Variants in DYRK1A observed in about 807,000 individuals in gnomAD.
DYRK1A encodes the protein dual specificity tyrosine-phosphorylation-regulated kinase 1A.
Under a neutral mutation model 79.7 loss-of-function variants are expected in DYRK1A, and 9 were observed. The ratio of observed to expected loss-of-function variants is 0.11; its 90% CI spans 0.07 to 0.20. DYRK1A has a LOEUF of 0.20. DYRK1A is among the 10% of genes least tolerant of loss of function. The pLI is 1.00. For synonymous variants in DYRK1A, 349 were observed against 329.7 expected, an observed-to-expected ratio of 1.06 and a Z score of -0.63; for missense variants, 622 against 956.0, an observed-to-expected ratio of 0.65 and a Z score of 4.61.
intron 5 of DYRK1A, among the ~76,000 whole-genome samples, chr21:37,481,877 G>C (rs1019888316): frequency 6.6e-6 from 1 of 152,040 alleles, no homozygotes; most frequent in African/African-American, 2.4e-5. Context: ...GGGGATCTCT[G>C]GTTGTGGTCC....
intron 2 of DYRK1A, among the ~76,000 whole-genome samples, chr21:37,451,412 C>T (rs1387842807): frequency 2.1e-5 from 3 of 142,990 alleles, no homozygotes; most frequent in East Asian, 2.3e-4. Context: ...GTCCTGCAAG[C>T]TCCATTCCTG....
intron 2 of DYRK1A, among the ~76,000 whole-genome samples, chr21:37,472,060 T>C (rs1404749381): frequency 6.6e-6 from 1 of 152,196 alleles, no homozygotes; most frequent in Non-Finnish European, 1.5e-5. Flanking sequence ...TTTTTCTTTG[T>C]GGTGAGCTTG....
At chr21:37,481,983 G>C (rs1322447272) in intron 5 of DYRK1A, among the ~76,000 whole-genome samples, 1 of 152,166 alleles carries the variant, frequency 6.6e-6, no homozygotes, top group Non-Finnish European at 1.5e-5. Flanking sequence ...AGTCTCCTCT[G>C]CCTTGCAGCC....
intron 7 of DYRK1A, among the ~76,000 whole-genome samples, chr21:37,491,788 A>G (rs1457796767): frequency 6.6e-6 from 1 of 152,218 alleles, no homozygotes; most frequent in South Asian, 2.1e-4. Context: ...ATTTCCCCCT[A>G]TTTAAGCCAA....
chr21:37,447,170 T>A (rs983455498), intron 2 of DYRK1A, among the ~76,000 whole-genome samples: 2 of 152,144 alleles, frequency 1.3e-5, no homozygotes, highest in African/African-American at 4.8e-5. Context: ...GTGAGTTGAG[T>A]GAGACAGTGT....
At chr21:37,453,508 G>C (rs1354741449) in intron 2 of DYRK1A, among the ~76,000 whole-genome samples, 1 of 152,210 alleles carries the variant, frequency 6.6e-6, no homozygotes, top group Non-Finnish European at 1.5e-5. Flanking sequence ...AGAGCTGGGA[G>C]AGAGAGAGGC....
At chr21:37,477,723 A>G (rs2052451309) in intron 3 of DYRK1A, among the ~76,000 whole-genome samples, 2 of 152,188 alleles carry the variant, frequency 1.3e-5, no homozygotes, top group Admixed American at 6.5e-5. Context: ...CTCTGCTGCC[A>G]GCCCCCTTTT....
chr21:37,510,591 T>C (rs528158149), intron 11 of DYRK1A, among the ~76,000 whole-genome samples: 216 of 152,316 alleles, frequency 1.4e-3, no homozygotes, highest in Non-Finnish European at 7.4e-5. Context: ...AACTCTGATA[T>C]AACAGACCCC....
At position 37,513,308 on chromosome 21, in the gene DYRK1A, T is replaced by C. The variant is rs1278609609; in HGVS notation, c.*777T>C. The C allele has an allele frequency of 6.6e-6, 1 of 152,632 alleles. No individual in the cohort carries two copies. Among genetic ancestry groups the C allele is most frequent in the Non-Finnish European group, 1.5e-5 (1 of 68,118 alleles). 9.5% of individuals were successfully genotyped at this position (152,632 alleles called of 1,614,324 possible). On this transcript the variant is annotated 3_prime_UTR_variant, in exon 12 of 12. Transcript: ENST00000647188. The stretch of plus-strand genomic sequence containing the variant: ...GGTGCACTGAGAAGCAATCAACGGG[T>C]CGGTCGTGGCCAGTCCTGGGGAGGT...
At chr21:37,395,974 C>G (rs2251085) in intron 1 of DYRK1A, among the ~76,000 whole-genome samples, 83,116 of 151,994 alleles carry the variant, frequency 0.55, 23,258 homozygotes, top group African/African-American at 0.67. Flanking sequence ...ATATGCCACA[C>G]AAAACATAGG....
chr21:37,456,031 G>A (rs1364412306), intron 2 of DYRK1A: 1 of 152,184 alleles, frequency 6.6e-6, no homozygotes, highest in Non-Finnish European at 1.5e-5. Context: ...CACCCTCTTA[G>A]GCTGTTTTAG....
intron 6 of DYRK1A, chr21:37,488,161 A>G (rs2052940609): frequency 1.7e-5 from 3 of 174,768 alleles, no homozygotes; most frequent in African/African-American, 7.2e-5. Context: ...TGTTTTGAAT[A>G]AAGTTGACAT....
At chr21:37,489,060 G>T (rs1299866245) in intron 6 of DYRK1A, among the ~76,000 whole-genome samples, 1 of 152,070 alleles carries the variant, frequency 6.6e-6, no homozygotes, top group East Asian at 1.9e-4. Context: ...TACCATGAAA[G>T]ATCTAAAAGC....
intron 2 of DYRK1A, among the ~76,000 whole-genome samples, chr21:37,445,920 T>C (rs2051255408): frequency 6.6e-6 from 1 of 151,840 alleles, no homozygotes; most frequent in Non-Finnish European, 1.5e-5. Flanking sequence ...GAGGTGGGAG[T>C]ATTGCTTGAG....
rs1236644093 is a variant in DYRK1A at position 37,367,095 on chromosome 21, G to C, written c.-610G>C. On this transcript the variant is annotated 5_prime_UTR_variant, in exon 1 of 12. Coordinates refer to ENST00000647188, the MANE Select transcript of DYRK1A (RefSeq NM_001347721.2). ...TGAGTGCGAGTGTGTGTGCGAGGGAGCGTGTGCGAGGGCGATTGTGCGCGC... is the reference window on the plus strand; with the variant it reads ...TGAGTGCGAGTGTGTGTGCGAGGGACCGTGTGCGAGGGCGATTGTGCGCGC... The C allele has an allele frequency of 6.5e-6, 1 of 154,228 alleles. No homozygotes were observed. Among genetic ancestry groups the C allele is most frequent in the African/African-American group, 2.4e-5 (1 of 41,362 alleles). 9.6% of individuals were successfully genotyped at this position (154,228 alleles called of 1,614,324 possible).
rs549061621 is a variant in DYRK1A, at chr21:37,445,219, C to T, written c.10+24835C>T. Reference sequence around the variant, plus strand: ...AAGTTAGAACACCAGCCCTGCTTGTCACTTACAGAAGGCAAGAGTAAACAC... The same window carrying T: ...AAGTTAGAACACCAGCCCTGCTTGTTACTTACAGAAGGCAAGAGTAAACAC... On this transcript the variant is annotated intron_variant, in intron 2 of 11. Transcript: ENST00000647188. Among the ~76,000 whole-genome samples, 5 of 152,306 alleles carry T rather than the reference C, an allele frequency of 3.3e-5. No individual in the cohort carries two copies. In the South Asian group the frequency reaches 1.0e-3, roughly 32 times the overall value.
chr21:37,478,086 G>A (rs767636696), intron 3 of DYRK1A, 122 bp from the exon 4 acceptor site: 16 of 1,312,330 alleles, frequency 1.2e-5, no homozygotes, highest in Non-Finnish European at 1.7e-5. Context: ...ATCATCTAAT[G>A]TGTAGCTGTC....
At chr21:37,437,066 C>G (rs916229525) in intron 2 of DYRK1A, among the ~76,000 whole-genome samples, 1 of 152,122 alleles carries the variant, frequency 6.6e-6, no homozygotes, top group Admixed American at 6.6e-5. Flanking sequence ...GTGGAAGATG[C>G]TATACCAGTT....
At chr21:37,425,456 T>C (rs2050592978) in intron 2 of DYRK1A, among the ~76,000 whole-genome samples, 1 of 152,206 alleles carries the variant, frequency 6.6e-6, no homozygotes, top group African/African-American at 2.4e-5. Flanking sequence ...ATGTGTCATA[T>C]GAAAAAGCAT....
Sources: gnomAD v4.1 joint callset for allele counts (sites outside exome capture counted in the v4.1 genomes callset) on GRCh38, gnomAD v4.1.1 for gene constraint, MANE v1.5 for transcripts, NCBI Gene and HGNC (gene_info 2026-07-23, HGNC 2026-07-21) for gene names.